RSPO2: variants seen among roughly 807,000 people sequenced by gnomAD.
RSPO2 encodes R-spondin-2.
RSPO2 carries 14 observed loss-of-function variants against 30.9 expected under a neutral mutation model. That is an observed-to-expected ratio of 0.45 (90% CI 0.30 to 0.71). The LOEUF (loss-of-function observed/expected upper bound fraction) is 0.71. RSPO2 is among the 30% of genes least tolerant of loss of function. The pLI is 0.08. For synonymous variants in RSPO2, 107 were observed against 96.4 expected, an observed-to-expected ratio of 1.11 and a Z score of -0.64; for missense variants, 264 against 301.9, an observed-to-expected ratio of 0.87 and a Z score of 0.93.
chr8:108,082,596 A>G lies in RSPO2; in HGVS notation c.43T>C (p.Cys15Arg), dbSNP rs1345485042. Residue 15 changes from cysteine (C) to arginine (R), a missense_variant, in exon 2 of 6, where the codon TGC (cysteine) becomes CGC (arginine). Physicochemically the swap from Cys to Arg is radical, Grantham distance 180 (BLOSUM62 -3). Transcript: ENST00000276659. ...LFSFALIILN[C>R]MDYSHCQGNR... The stretch of plus-strand genomic sequence containing the variant: ...CCTTGGCAGTGGCTGTAATCCATGC[A>G]GTTCAGAATGATGAGGGCAAAGGAG... The G allele has an allele frequency of 1.2e-6, 2 of 1,614,058 alleles. No individual in the cohort carries two copies. The highest frequency in any genetic ancestry group is 1.7e-5 in the Admixed American group (1 of 60,010).
chr8:108,069,123 T>C (rs1042273078), intron 2 of RSPO2, among the ~76,000 whole-genome samples: 16 of 152,178 alleles, frequency 1.1e-4, no homozygotes, highest in African/African-American at 3.9e-4. Context: ...CATTATAACC[T>C]CAGAGTAAGT....
intron 2 of RSPO2, among the ~76,000 whole-genome samples, chr8:108,042,498 G>C (rs1183749055): frequency 1.3e-5 from 2 of 152,106 alleles, no homozygotes; most frequent in Non-Finnish European, 2.9e-5. Flanking sequence ...TGCAACCCAA[G>C]TCTCATTACA....
intron 2 of RSPO2, among the ~76,000 whole-genome samples, chr8:108,007,138 G>A (rs1348248027): frequency 6.6e-6 from 1 of 151,942 alleles, no homozygotes; most frequent in African/African-American, 2.4e-5. Context: ...ACCTATCAAG[G>A]GTCATACATT....
At chr8:107,994,700 T>G (rs1184020967) in intron 2 of RSPO2, among the ~76,000 whole-genome samples, 1 of 152,166 alleles carries the variant, frequency 6.6e-6, no homozygotes, top group Non-Finnish European at 1.5e-5. Flanking sequence ...CACAATGACT[T>G]CATTTTATCG....
At chr8:108,000,754 C>G (rs1815215472) in intron 2 of RSPO2, among the ~76,000 whole-genome samples, 1 of 152,086 alleles carries the variant, frequency 6.6e-6, no homozygotes, top group African/African-American at 2.4e-5. Flanking sequence ...GTAATCCCAG[C>G]ACTTTGGGAG....
At chr8:108,056,618 C>T (rs1185956661) in intron 2 of RSPO2, among the ~76,000 whole-genome samples, 12 of 94,292 alleles carry the variant, frequency 1.3e-4, no homozygotes, top group African/African-American at 4.0e-4. Flanking sequence ...GAGCCAGACC[C>T]GTCTCAAAAA....
intron 5 of RSPO2, among the ~76,000 whole-genome samples, chr8:107,955,648 T>G (rs976762766): frequency 7.3e-5 from 11 of 150,566 alleles, no homozygotes; most frequent in African/African-American, 2.7e-4. Flanking sequence ...TAAAAAAAAC[T>G]CTTAAAGCCA....
At position 107,972,373 on chromosome 8, in the gene RSPO2, TGACCTCCA is replaced by T. The variant is rs1814031054; in HGVS notation, c.284-11564_284-11557del. Among the ~76,000 whole-genome samples, 9 of 152,250 alleles carry T rather than the reference TGACCTCCA, an allele frequency of 5.9e-5. No individual in the cohort carries two copies. In the South Asian group the frequency reaches 1.9e-3, roughly 32 times the overall value. ...ATTGGCCAGGCAGGTCTCGAACTCC[TGACCTCCA>T]GTGATCCACCCTCCTTGGCCTCCCA... On this transcript the variant is annotated intron_variant, in intron 3 of 5. Coordinates refer to ENST00000276659, the MANE Select transcript of RSPO2 (RefSeq NM_178565.5).
rs1243450440 is a variant in RSPO2 at position 107,938,074 on chromosome 8, TAG to T, written c.616+20004_616+20005del. The stretch of plus-strand genomic sequence containing the variant: ...CGACAACATAAAAACTTAGTGACAT[TAG>T]AGTTTAAATTTCAAGTTAGGATAAA... On this transcript the variant is annotated intron_variant, in intron 5 of 5. Coordinates refer to ENST00000276659, the MANE Select transcript of RSPO2 (RefSeq NM_178565.5). Among the ~76,000 whole-genome samples, 11 of 152,114 alleles carry T rather than the reference TAG, an allele frequency of 7.2e-5. No individual in the cohort carries two copies. In the East Asian group the frequency reaches 2.1e-3, roughly 29 times the overall value.
At chr8:107,984,066 G>A (rs1304089494) in intron 3 of RSPO2, 6 of 526,218 alleles carry the variant, frequency 1.1e-5, no homozygotes, top group South Asian at 3.2e-5. Context: ...GGGTCATCCC[G>A]GAAATGCTTC....
chr8:108,016,347 T>C (rs898868824), intron 2 of RSPO2, among the ~76,000 whole-genome samples: 8 of 152,306 alleles, frequency 5.3e-5, no homozygotes, highest in Admixed American at 5.2e-4. Flanking sequence ...AAGATTATGC[T>C]GATGGGAAAT....
chr8:107,929,700 A>G (rs1386901336), intron 5 of RSPO2, among the ~76,000 whole-genome samples: 5 of 152,208 alleles, frequency 3.3e-5, no homozygotes, highest in Admixed American at 2.0e-4. Context: ...CTCTCACCTT[A>G]GAACTATCTA....
chr8:107,975,371 CAT>C, intron 3 of RSPO2, among the ~76,000 whole-genome samples: 1 of 152,082 alleles, frequency 6.6e-6, no homozygotes, highest in East Asian at 1.9e-4. Flanking sequence ...TAACAACAAA[CAT>C]AGGATGTCAT....
At chr8:108,017,921 C>A (rs1810945828) in intron 2 of RSPO2, among the ~76,000 whole-genome samples, 1 of 152,164 alleles carries the variant, frequency 6.6e-6, no homozygotes, top group African/African-American at 2.4e-5. Context: ...ACATTACAAT[C>A]TTTAAGTTCC....
intron 2 of RSPO2, among the ~76,000 whole-genome samples, chr8:107,999,692 C>T (rs1815163223): frequency 6.6e-6 from 1 of 152,100 alleles, no homozygotes; most frequent in South Asian, 2.1e-4. Context: ...GCCTCAGCCT[C>T]CCAAAGTGCT....
At chr8:107,987,698 A>G (rs114271494) in intron 3 of RSPO2, among the ~76,000 whole-genome samples, 454 of 152,224 alleles carry the variant, frequency 3.0e-3, no homozygotes, top group African/African-American at 0.01. Flanking sequence ...TTGTTCCCCA[A>G]ATACATTATT....
At chr8:107,988,994 A>G in intron 3 of RSPO2, 62 bp downstream of exon 3, 1 of 1,398,690 alleles carries the variant, frequency 7.1e-7, no homozygotes, top group Middle Eastern at 2.5e-4. Context: ...AAAATCTTCA[A>G]CTTAGCTCCT....
chr8:108,044,351 T>C (rs1435242817), intron 2 of RSPO2, among the ~76,000 whole-genome samples: 2 of 152,046 alleles, frequency 1.3e-5, no homozygotes, highest in Admixed American at 1.3e-4. Flanking sequence ...GTAGTGAGCA[T>C]AGTACCCAAC....
At chr8:108,053,141 C>T (rs748598060) in intron 2 of RSPO2, among the ~76,000 whole-genome samples, 1 of 152,094 alleles carries the variant, frequency 6.6e-6, no homozygotes. Flanking sequence ...AGTACAACCT[C>T]GGTTACCTGC....
Sources: gnomAD v4.1 joint callset for allele counts (sites outside exome capture counted in the v4.1 genomes callset) on GRCh38, gnomAD v4.1.1 for gene constraint, MANE v1.5 for transcripts, NCBI Gene and HGNC (gene_info 2026-07-23, HGNC 2026-07-21) for gene names.